The following OPA1 variants were observed in gnomAD, a reference collection of about 807,000 sequenced individuals.
The protein encoded by OPA1 is OPA1 mitochondrial dynamin like GTPase.
In OPA1, 59 loss-of-function variants were observed where a neutral mutation model predicts 152.9. That is an observed-to-expected ratio of 0.39 (90% CI 0.31 to 0.48). The LOEUF is 0.48. Among genes scored for constraint, OPA1 ranks in the 20% least tolerant of loss-of-function variants. The probability of loss-of-function intolerance (pLI) is 0.96; values close to 1 mark genes in which losing one functional copy is unlikely to be tolerated. For synonymous variants in OPA1, 400 were observed against 389.9 expected (o/e 1.03, Z -0.31); for missense variants, 1,008 against 1,216.8 (o/e 0.83, Z 2.55).
chr3:193,678,657 C>G (rs1719590374), intron 29 of OPA1, among the ~76,000 whole-genome samples: 1 of 152,104 alleles, frequency 6.6e-6, no homozygotes, highest in African/African-American at 2.4e-5. Flanking sequence ...AAAATGAAAC[C>G]TATGGTACCC....
chr3:193,674,003 T>C (rs77441580), intron 29 of OPA1, among the ~76,000 whole-genome samples: 3,896 of 152,356 alleles, frequency 0.026, 53 homozygotes, highest in Non-Finnish European at 0.03. Context: ...CAGCTGGCCC[T>C]TTTACTGGAG....
At chr3:193,635,330 C>T in intron 8 of OPA1, 88 bp from the exon 9 acceptor site, 2 of 795,828 alleles carry the variant, frequency 2.5e-6, no homozygotes, top group East Asian at 2.5e-5. Flanking sequence ...GATATGACTT[C>T]AAGATTTTGG....
At chr3:193,626,351 G>A (rs1044641641) in intron 7 of OPA1, 149 bp downstream of exon 7, 1 of 670,894 alleles carries the variant, frequency 1.5e-6, no homozygotes, top group Admixed American at 2.4e-5. Context: ...ATATAAATAT[G>A]TAACTTTTCT....
rs777595965 is a variant in OPA1, at chr3:193,668,627, C to T, written c.2983+1347C>T. On this transcript the variant is annotated intron_variant, in intron 29 of 30. Coordinates refer to ENST00000361510, the MANE Select transcript of OPA1 (RefSeq NM_130837.3). ...CTTCGCCAGCCTGCACCAGGCCACC[C>T]TCCTGCACAGATACTCTCCTCAGTA... The T allele has an allele frequency of 2.8e-5, 43 of 1,528,366 alleles. No homozygotes were observed. In the East Asian group the frequency reaches 1.1e-3, roughly 38 times the overall value. The allele number at this position is 1,528,366 out of a possible 1,614,324, so 94.7% of individuals were successfully genotyped here.
rs756210793 is a variant in OPA1, at chr3:193,644,047, C to T, written c.1550C>T (p.Thr517Ile). ...CAAATGGACCCTCATGGAAGGAGAA[C>T]CATATTCGTTTTGACCAAAGTAGAC... ...VSQMDPHGRR[T>I]IFVLTKVDLA... Residue 517 changes from threonine (T) to isoleucine (I), a missense_variant, in exon 16 of 31, where the codon ACC becomes ATC. Thr to Ile is a moderately conservative substitution (Grantham distance 89). Transcript: ENST00000361510. The T allele has an allele frequency of 1.4e-5, 23 of 1,613,620 alleles. No individual in the cohort carries two copies. Among genetic ancestry groups the T allele is most frequent in the South Asian group, 1.1e-4 (10 of 91,056 alleles).
In OPA1 at chr3:193,697,691, TG is replaced by T. The variant is rs2109487738; in HGVS notation, c.*3092del. ...TTTCTCTGAATGCTTGAATTTCACA[TG>T]CCTTGCATTTCACAGTTGTACTCCA... On this transcript the variant is annotated 3_prime_UTR_variant, in exon 31 of 31. Transcript: ENST00000361510. 6.6e-6 allele frequency: 1 copy of T among 152,368 alleles called. No homozygotes were observed. Among genetic ancestry groups the T allele is most frequent in the African/African-American group, 2.4e-5 (1 of 41,590 alleles). The allele number at this position is 152,368 out of a possible 1,614,324, so 9.4% of individuals were successfully genotyped here.
chr3:193,690,317 A>G (rs879178965), intron 29 of OPA1, among the ~76,000 whole-genome samples: 1 of 26,396 alleles, frequency 3.8e-5, no homozygotes, highest in African/African-American at 1.5e-4. Context: ...CCCCCACCCC[A>G]CCCCACACAC....
At chr3:193,675,341 A>C (rs954834239) in intron 29 of OPA1, among the ~76,000 whole-genome samples, 19 of 150,890 alleles carry the variant, frequency 1.3e-4, no homozygotes, top group African/African-American at 2.9e-4. Flanking sequence ...AAAAAAAAAA[A>C]AAAAAAAAAC....
intron 6 of OPA1, among the ~76,000 whole-genome samples, chr3:193,625,029 C>T (rs569305920): frequency 6.6e-6 from 1 of 152,060 alleles, no homozygotes; most frequent in Non-Finnish European, 1.5e-5. Context: ...TTACCTCCTT[C>T]ATTAGAACTT....
intron 26 of OPA1, among the ~76,000 whole-genome samples, chr3:193,663,225 T>C (rs1417249266): frequency 6.6e-6 from 1 of 152,134 alleles, no homozygotes; most frequent in Admixed American, 6.6e-5. Flanking sequence ...AGTCAGTTCA[T>C]GCAAAATGGG....
intron 1 of OPA1, among the ~76,000 whole-genome samples, chr3:193,604,123 T>G (rs2108807587): frequency 6.6e-6 from 1 of 152,350 alleles, no homozygotes; most frequent in Non-Finnish European, 1.5e-5. Context: ...CCAGCTTGGC[T>G]GCTGCTACTG....
chr3:193,613,130 A>G (rs770796466), intron 1 of OPA1, among the ~76,000 whole-genome samples: 16 of 152,252 alleles, frequency 1.1e-4, no homozygotes, highest in Non-Finnish European at 1.8e-4. Flanking sequence ...ACACTTTGCA[A>G]ATCAGGCAGC....
intron 6 of OPA1, among the ~76,000 whole-genome samples, chr3:193,624,497 A>G (rs1335414675): frequency 6.6e-6 from 1 of 152,198 alleles, no homozygotes; most frequent in Non-Finnish European, 1.5e-5. Flanking sequence ...AAGAAAATAA[A>G]TCAGGTTACT....
At chr3:193,608,028 G>A (rs1163459672) in intron 1 of OPA1, among the ~76,000 whole-genome samples, 4 of 152,164 alleles carry the variant, frequency 2.6e-5, no homozygotes, top group African/African-American at 9.7e-5. Context: ...AAGCAATTGT[G>A]AATGAGAGTT....
At chr3:193,634,361 G>C (rs1161974280) in intron 8 of OPA1, among the ~76,000 whole-genome samples, 1 of 150,834 alleles carries the variant, frequency 6.6e-6, no homozygotes, top group African/African-American at 2.4e-5. Flanking sequence ...TTGGTGTTTT[G>C]TTTTGTTTTT....
chr3:193,604,860 C>CAAAAAAAAAA (rs55904490), intron 1 of OPA1, among the ~76,000 whole-genome samples: 37 of 104,554 alleles, frequency 3.5e-4, no homozygotes, highest in Admixed American at 8.5e-4. Flanking sequence ...AACTCCATCT[C>CAAAAAAAAAA]AAAAAAAAAA....
At chr3:193,688,513 A>T (rs150354101) in intron 29 of OPA1, among the ~76,000 whole-genome samples, 1 of 102,344 alleles carries the variant, frequency 9.8e-6, no homozygotes, top group Non-Finnish European at 1.8e-5. Context: ...GAGTCTCGCT[A>T]TGTCACCAGG....
intron 8 of OPA1, 66 bp downstream of exon 8, chr3:193,631,731 T>A: frequency 1.5e-6 from 2 of 1,370,504 alleles, no homozygotes; most frequent in Non-Finnish European, 2.1e-6. Flanking sequence ...ACTTTGGTGA[T>A]ATGGACATTT....
Position 193,654,968 on chromosome 3 carries a change from A to G in OPA1, c.2119A>G (p.Thr707Ala). The stretch of plus-strand genomic sequence containing the variant: ...CATGAATTCAGGAACTTTTAACACC[A>G]CAGTGGATATCAAGCTTAAACAGTG... ...QTMNSGTFNT[T>A]VDIKLKQWTD... The change falls in exon 22 of 31, where the codon ACA (threonine) becomes GCA (alanine). Residue 707 changes from threonine to alanine, a missense_variant. Physicochemically the swap from Thr to Ala is moderately conservative, Grantham distance 58. Around this residue, in one of 7 missense-constraint regions of OPA1, gnomAD observed 229 missense variants for 269.0 expected, o/e 0.85. Coordinates refer to ENST00000361510, the MANE Select transcript of OPA1 (RefSeq NM_130837.3). The G allele has an allele frequency of 3.7e-6, 6 of 1,613,976 alleles. No homozygotes were observed. The highest frequency in any genetic ancestry group is 5.1e-6 in the Non-Finnish European group (6 of 1,179,932).
Sources: gnomAD v4.1 joint callset for allele counts (sites outside exome capture counted in the v4.1 genomes callset) on GRCh38, gnomAD v4.1.1 for gene constraint, gnomAD v4.1.1 regional missense constraint, MANE v1.5 for transcripts, NCBI Gene and HGNC (gene_info 2026-07-23, HGNC 2026-07-21) for gene names.